Variants in APC observed in about 807,000 individuals in gnomAD.
APC encodes the protein APC regulator of Wnt signaling pathway.
In APC, 72 loss-of-function variants were observed where a neutral mutation model predicts 247.0. That is an observed-to-expected ratio of 0.29 (90% CI 0.24 to 0.35). The LOEUF (loss-of-function observed/expected upper bound fraction) is 0.35. Among genes scored for constraint, APC ranks in the 10% least tolerant of loss-of-function variants. APC has a pLI of 1.00. For missense variants in APC, 3,400 were observed against 3,360.7 expected, an observed-to-expected ratio of 1.01 and a Z score of -0.29; for synonymous variants, 1,254 against 1,162.5, an observed-to-expected ratio of 1.08 and a Z score of -1.60.
chr5:112,746,847 CA>C (rs1460481775), intron 1 of APC, among the ~76,000 whole-genome samples: 1 of 152,104 alleles, frequency 6.6e-6, no homozygotes, highest in Non-Finnish European at 1.5e-5. Flanking sequence ...AAAGAAGAGT[CA>C]CAAGTATCAT....
Position 112,838,464 on chromosome 5 carries a change from A to G in APC, c.2870A>G (p.Lys957Arg), listed in dbSNP as rs777881096. Reference protein sequence around the residue: ...CSMPYAKLEYKRSSNDSLNSV... With the variant: ...CSMPYAKLEYRRSSNDSLNSV... ...ATGCCTTATGCCAAATTAGAATACAAGAGATCTTCAAATGATAGTTTAAAT... is the reference window on the plus strand; with the variant it reads ...ATGCCTTATGCCAAATTAGAATACAGGAGATCTTCAAATGATAGTTTAAAT... The change falls in exon 16 of 16, where the codon AAG (lysine) becomes AGG (arginine). Residue 957 changes from lysine (K) to arginine (R), a missense_variant. Lys to Arg is a conservative substitution (Grantham distance 26). Coordinates refer to ENST00000257430, the MANE Select transcript of APC (RefSeq NM_000038.6). The G allele has an allele frequency of 6.8e-6, 11 of 1,614,132 alleles. No individual in the cohort carries two copies. Among genetic ancestry groups the G allele is most frequent in the Middle Eastern group, 3.3e-4 (2 of 6,084 alleles).
Position 112,827,338 on chromosome 5 carries a change from TC to T in APC, c.1548+92del, listed in dbSNP as rs530762702. On this transcript the variant is annotated intron_variant, in intron 12 of 15. Transcript: ENST00000257430. ...TACATTTTACTGATTTTCTTTTTTTTCACTCTCCTCATTAAACAATGACTGA... is the reference window on the plus strand; with the variant it reads ...TACATTTTACTGATTTTCTTTTTTTTACTCTCCTCATTAAACAATGACTGA... 1.5e-4 allele frequency: 207 copies of T among 1,373,990 alleles called. No individual in the cohort carries two copies. In the African/African-American group the frequency reaches 2.6e-3, roughly 17 times the overall value. 85.1% of individuals were successfully genotyped at this position (1,373,990 alleles called of 1,614,324 possible).
chr5:112,829,236 T>C (rs1764060763), intron 14 of APC: 1 of 359,908 alleles, frequency 2.8e-6, no homozygotes, highest in South Asian at 2.4e-5. Flanking sequence ...TCTCCCATGT[T>C]CAAGTGATTC....
rs1766237410 is a variant in APC, at chr5:112,842,123, G to C, written c.6529G>C (p.Glu2177Gln). 1 of 1,611,150 alleles carries C rather than the reference G, an allele frequency of 6.2e-7. No individual in the cohort carries two copies. The highest frequency in any genetic ancestry group is 1.1e-5 in the South Asian group (1 of 90,696). The stretch of plus-strand genomic sequence containing the variant: ...AAAACCAGGGGAGAAAAGTACATTG[G>C]AAACTAAAAAGATAGAATCTGAAAG... ...ILKPGEKSTL[E>Q]TKKIESESKG... The change falls in exon 16 of 16, where the codon GAA becomes CAA. Residue 2177 changes from glutamate (E) to glutamine (Q), a missense_variant. Transcript: ENST00000257430.
At chr5:112,811,901 G>C (rs1219043782) in intron 8 of APC, among the ~76,000 whole-genome samples, 2 of 152,146 alleles carry the variant, frequency 1.3e-5, no homozygotes, top group African/African-American at 4.8e-5. Context: ...TATTGGCTGG[G>C]GTTGCAGTCA....
chr5:112,733,351 T>C (rs965714359), upstream of APC, among the ~76,000 whole-genome samples: 1 of 152,160 alleles, frequency 6.6e-6, no homozygotes, highest in African/African-American at 2.4e-5. Context: ...AGGAAGATCA[T>C]CCTGGATTAT....
At chr5:112,724,348 C>T (rs1581033423) in intron 1 of APC, among the ~76,000 whole-genome samples, 1 of 152,030 alleles carries the variant, frequency 6.6e-6, no homozygotes, top group East Asian at 1.9e-4. Flanking sequence ...GAAAAAAGCA[C>T]CTGGCTGCTT....
In APC at chr5:112,828,884, CT is replaced by C. The variant is rs1114167594; in HGVS notation, c.1657del (p.Trp553GlyfsTer5). The C allele has an allele frequency of 6.2e-7, 1 of 1,613,658 alleles. No homozygotes were observed. Among genetic ancestry groups the C allele is most frequent in the Non-Finnish European group, 8.5e-7 (1 of 1,179,680 alleles). ...QVIASVLRNLSWRADVNSKKT... is the reference protein window; with the variant it reads ...QVIASVLRNLXWRADVNSKKT... ...ATTGCGAGTGTTTTGAGGAATTTGT[CT>C]TGGCGAGCAGATGTAAATAGTAAAA... On this transcript the variant is annotated frameshift_variant, in exon 14 of 16. Transcript: ENST00000257430. LOFTEE classifies it high-confidence loss of function.
chr5:112,797,933 A>G lies in APC; in HGVS notation c.730-3346A>G, dbSNP rs1760386226. Among the ~76,000 whole-genome samples, 3 of 152,226 alleles carry G rather than the reference A, an allele frequency of 2.0e-5. No individual in the cohort carries two copies. In the South Asian group the frequency reaches 6.2e-4, roughly 32 times the overall value. On this transcript the variant is annotated intron_variant, in intron 7 of 15. Transcript: ENST00000257430. ...TTTAATCATAAAGGCAATAATAAGC[A>G]TTGACGAAGATGTGGAGAAGCAGGA...
At position 112,839,469 on chromosome 5, in the gene APC, C is replaced by T. The variant is rs371113837; in HGVS notation, c.3875C>T (p.Thr1292Met). The change falls in exon 16 of 16, where the codon ACG becomes ATG. Residue 1292 changes from threonine (T) to methionine (M), a missense_variant. Thr to Met is a moderately conservative substitution (Grantham distance 81). Coordinates refer to ENST00000257430, the MANE Select transcript of APC (RefSeq NM_000038.6). This position sits in a 1 kb window ranked among gnomAD's most constrained non-coding sequence, Gnocchi z 5.0. ...GAAGATGAAATAGGATGTAATCAGA[C>T]GACACAGGAAGCAGATTCTGCTAAT... ...SAEDEIGCNQ[T>M]TQEADSANTL... 1.4e-4 allele frequency: 228 copies of T among 1,614,132 alleles called. No individual in the cohort carries two copies. Among genetic ancestry groups the T allele is most frequent in the East Asian group, 9.6e-4 (43 of 44,892 alleles).
chr5:112,755,070 C>T (rs2149739248), intron 2 of APC, 45 bp downstream of exon 2: 1 of 1,609,940 alleles, frequency 6.2e-7, no homozygotes, highest in Non-Finnish European at 8.5e-7. Context: ...CATTTTTATT[C>T]AGTATTCCCT....
At chr5:112,761,044 C>G (rs991871576) in intron 2 of APC, among the ~76,000 whole-genome samples, 1 of 152,046 alleles carries the variant, frequency 6.6e-6, no homozygotes, top group Non-Finnish European at 1.5e-5. Context: ...CTCCTGACCT[C>G]GTGATCCACC....
Position 112,837,985 on chromosome 5 carries a change from T to A in APC, c.2391T>A (p.Gly797=), listed in dbSNP as rs535294819. The part of the protein sequence containing the change: ...SKQRHKQSLY[G]DYVFDTNRHD... Reference sequence around the variant, plus strand: ...AGAGACACAAGCAAAGTCTCTATGGTGATTATGTTTTTGACACCAATCGAC... The same window carrying A: ...AGAGACACAAGCAAAGTCTCTATGGAGATTATGTTTTTGACACCAATCGAC... Residue 797 remains glycine, a synonymous_variant, in exon 16 of 16, where the codon GGT becomes GGA. Transcript: ENST00000257430. 4 of 1,614,168 alleles carry A rather than the reference T, an allele frequency of 2.5e-6. No homozygotes were observed. The highest frequency in any genetic ancestry group is 2.7e-5 in the African/African-American group (2 of 75,058).
At chr5:112,832,564 T>C (rs950551698) in intron 14 of APC, among the ~76,000 whole-genome samples, 1 of 152,238 alleles carries the variant, frequency 6.6e-6, no homozygotes, top group Non-Finnish European at 1.5e-5. Flanking sequence ...GGCTTTTGTC[T>C]CTCTGGACTT....
At position 112,838,002 on chromosome 5, in the gene APC, C is replaced by T. The variant is rs587780591; in HGVS notation, c.2408C>T (p.Thr803Ile). Residue 803 changes from threonine to isoleucine, a missense_variant, in exon 16 of 16, where the codon ACC becomes ATC. By Grantham distance (89) the Thr-to-Ile change is moderately conservative. Transcript: ENST00000257430. ...QSLYGDYVFD[T>I]NRHDDNRSDN... ...CTCTATGGTGATTATGTTTTTGACA[C>T]CAATCGACATGATGATAATAGGTCA... 1.2e-6 allele frequency: 2 copies of T among 1,614,088 alleles called. No individual in the cohort carries two copies. The highest frequency in any genetic ancestry group is 1.7e-6 in the Non-Finnish European group (2 of 1,180,010).
At chr5:112,824,421 CTCTTT>C (rs2149799570) in intron 11 of APC, among the ~76,000 whole-genome samples, 1 of 152,288 alleles carries the variant, frequency 6.6e-6, no homozygotes, top group South Asian at 2.1e-4. Flanking sequence ...AAAGCACTTC[CTCTTT>C]TATCTGATAG....
At chr5:112,834,491 C>T (rs1048750557) in intron 14 of APC, among the ~76,000 whole-genome samples, 13 of 145,352 alleles carry the variant, frequency 8.9e-5, no homozygotes, top group Admixed American at 6.8e-4. Flanking sequence ...ATGATCCACC[C>T]GTCAGCCTCC....
At position 112,844,624 on chromosome 5, in the gene APC, A is replaced by G. The variant is rs1766830481; in HGVS notation, c.*498A>G. On this transcript the variant is annotated 3_prime_UTR_variant, in exon 16 of 16. Transcript: ENST00000257430. ...ACAGTAATATGGTTCCCGATGAACAAGTTTACCCAGCCTGCTTTGCTTTAC... is the reference window on the plus strand; with the variant it reads ...ACAGTAATATGGTTCCCGATGAACAGGTTTACCCAGCCTGCTTTGCTTTAC... 1 of 234,414 alleles carries G rather than the reference A, an allele frequency of 4.3e-6. No homozygotes were observed. The highest frequency in any genetic ancestry group is 6.1e-5 in the East Asian group (1 of 16,358). The allele number at this position is 234,414 out of a possible 1,614,324, so 14.5% of individuals were successfully genotyped here. A position where few individuals can be genotyped will look rare whatever the true frequency, so the allele number is the denominator to read the frequency against.
rs897373938 is a variant in APC at position 112,749,427 on chromosome 5, A to G, written c.-18-5446A>G. Among the ~76,000 whole-genome samples the G allele has an allele frequency of 2.7e-5, 4 of 146,696 alleles. No individual in the cohort carries two copies. In the South Asian group the frequency reaches 8.8e-4, roughly 32 times the overall value. On this transcript the variant is annotated intron_variant, in intron 1 of 15. Transcript: ENST00000257430. The stretch of plus-strand genomic sequence containing the variant: ...GTTTGTAAAACCATTCAGATACGGT[A>G]TTTTGAAGGATTTGGAGGAGGAGGG...
Sources: allele counts gnomAD v4.1 joint callset (sites outside exome capture counted in the v4.1 genomes callset), GRCh38; gene constraint gnomAD v4.1.1; non-coding constraint Gnocchi (gnomAD v3.1); transcripts MANE v1.5; gene names NCBI Gene and HGNC (gene_info 2026-07-23, HGNC 2026-07-21).